UNC13C: variants seen among roughly 807,000 people sequenced by gnomAD.
UNC13C encodes the protein protein unc-13 homolog C.
Under a neutral mutation model 245.4 loss-of-function variants are expected in UNC13C, and 174 were observed. That is an observed-to-expected ratio of 0.71 (90% CI 0.63 to 0.80). The LOEUF (loss-of-function observed/expected upper bound fraction) is 0.80, where lower values mean the gene tolerates loss of function less well. UNC13C is among the 30% of genes least tolerant of loss of function. UNC13C has a pLI of 0.00. For synonymous variants in UNC13C, 992 were observed against 895.1 expected, an observed-to-expected ratio of 1.11 and a Z score of -1.93; for missense variants, 2,829 against 2,602.9, an observed-to-expected ratio of 1.09 and a Z score of -1.89.
intron 19 of UNC13C, among the ~76,000 whole-genome samples, chr15:54,447,371 G>T (rs535366145): frequency 6.6e-6 from 1 of 152,148 alleles, no homozygotes; most frequent in African/African-American, 2.4e-5. Context: ...TTGTACCTCT[G>T]GTAGAATTTG....
At chr15:53,918,892 G>T in the UNC13C span, among the ~76,000 whole-genome samples, 3 of 152,186 alleles carry the variant, frequency 2.0e-5, no homozygotes, top group African/African-American at 7.2e-5. Flanking sequence ...AAAATGATGA[G>T]ACGAGCAATT....
Position 54,393,046 on chromosome 15 carries a change from A to G in UNC13C, c.4714-2A>G. ...TTGCATGTTGCGTGAACTTGTGAGC[A>G]GAGTAAGAAACAGGATATTCCTCGT... On this transcript the variant is annotated splice_acceptor_variant, in intron 17 of 32. Transcript: ENST00000260323. LOFTEE classifies it high-confidence loss of function. 1.3e-6 allele frequency: 2 copies of G among 1,591,384 alleles called. No individual in the cohort carries two copies. Among genetic ancestry groups the G allele is most frequent in the South Asian group, 2.3e-5 (2 of 87,032 alleles).
chr15:54,366,408 T>G (rs189156274), intron 17 of UNC13C, among the ~76,000 whole-genome samples: 3 of 152,304 alleles, frequency 2.0e-5, no homozygotes, highest in East Asian at 1.9e-4. Context: ...AGTCCAATTT[T>G]AAATCCCCAG....
intron 30 of UNC13C, among the ~76,000 whole-genome samples, chr15:54,595,249 C>A (rs1367582984): frequency 6.6e-6 from 1 of 151,988 alleles, no homozygotes; most frequent in Non-Finnish European, 1.5e-5. Context: ...GTTATGCTCT[C>A]GGGGCCTAAG....
At chr15:54,583,119 T>A (rs1455491359) in intron 30 of UNC13C, among the ~76,000 whole-genome samples, 1 of 152,108 alleles carries the variant, frequency 6.6e-6, no homozygotes, top group Non-Finnish European at 1.5e-5. Context: ...GAACCACAAT[T>A]TGAGAACCGT....
At chr15:53,893,241 G>A in the UNC13C span, among the ~76,000 whole-genome samples, 10 of 152,134 alleles carry the variant, frequency 6.6e-5, no homozygotes, top group Non-Finnish European at 1.2e-4. Context: ...GTCCCAGAGG[G>A]GCACCTGCTA....
At chr15:54,464,960 G>T (rs1251101328) in intron 19 of UNC13C, among the ~76,000 whole-genome samples, 2 of 151,224 alleles carry the variant, frequency 1.3e-5, no homozygotes. Context: ...AATGATTATA[G>T]AAGTTGATTT....
chr15:54,014,832 C>T lies in UNC13C; in HGVS notation c.1929C>T (p.Tyr643=), dbSNP rs948246508. The part of the protein sequence containing the change: ...MVCASGDRSH[Y]SDSQLSLHED... ...GTGCATCTGGAGACCGGAGTCATTA[C>T]AGTGATTCTCAGCTCTCTTTACATG... The change falls in exon 2 of 33, where the codon TAC becomes TAT. Residue 643 remains tyrosine, a synonymous_variant. Coordinates refer to ENST00000260323, the MANE Select transcript of UNC13C (RefSeq NM_001080534.3). 2 of 1,613,886 alleles carry T rather than the reference C, an allele frequency of 1.2e-6. No homozygotes were observed. Among genetic ancestry groups the T allele is most frequent in the East Asian group, 2.2e-5 (1 of 44,876 alleles).
intron 30 of UNC13C, among the ~76,000 whole-genome samples, chr15:54,578,069 C>T (rs925065971): frequency 6.6e-6 from 1 of 152,186 alleles, no homozygotes; most frequent in African/African-American, 2.4e-5. Context: ...ATCCCACTTT[C>T]TCAGAATACA....
chr15:54,265,622 G>A (rs930762371), intron 10 of UNC13C, 126 bp downstream of exon 10: 34 of 684,764 alleles, frequency 5.0e-5, no homozygotes, highest in Non-Finnish European at 7.2e-5. Context: ...TAATAAAAAA[G>A]TAAAAGTAAT....
intron 30 of UNC13C, among the ~76,000 whole-genome samples, chr15:54,591,460 C>G (rs1343818912): frequency 6.6e-6 from 1 of 152,106 alleles, no homozygotes; most frequent in African/African-American, 2.4e-5. Context: ...TCATTTCAAT[C>G]TCACTACTTG....
chr15:54,217,645 C>A (rs1038181801), intron 4 of UNC13C, among the ~76,000 whole-genome samples: 1 of 151,918 alleles, frequency 6.6e-6, no homozygotes, highest in Non-Finnish European at 1.5e-5. Flanking sequence ...ACCAGTAATA[C>A]ATAATCTACT....
chr15:54,249,043 A>G (rs1207682795), intron 7 of UNC13C, among the ~76,000 whole-genome samples: 1 of 152,208 alleles, frequency 6.6e-6, no homozygotes, highest in Non-Finnish European at 1.5e-5. Context: ...GACTCTTCCT[A>G]CAGGGTTTAT....
At chr15:54,366,429 A>G (rs1596289657) in intron 17 of UNC13C, among the ~76,000 whole-genome samples, 1 of 152,318 alleles carries the variant, frequency 6.6e-6, no homozygotes, top group East Asian at 1.9e-4. Flanking sequence ...GAAAAAAAGC[A>G]TTTCTACCTG....
chr15:54,446,500 G>A (rs1187482796), intron 19 of UNC13C, among the ~76,000 whole-genome samples: 1 of 152,142 alleles, frequency 6.6e-6, no homozygotes, highest in African/African-American at 2.4e-5. Flanking sequence ...TCCTTGAAGA[G>A]GTCCTTCACA....
At chr15:54,318,024 G>A (rs1244431225) in intron 13 of UNC13C, among the ~76,000 whole-genome samples, 4 of 151,892 alleles carry the variant, frequency 2.6e-5, no homozygotes, top group South Asian at 2.1e-4. Context: ...TTCACATAAT[G>A]TCCTCCAGGT....
chr15:54,054,107 A>G lies in UNC13C; in HGVS notation c.2983+38221A>G, dbSNP rs113893335. 1.1e-3 allele frequency among the ~76,000 whole-genome samples: 175 copies of G among 152,284 alleles called. 1 individual carries two copies. The highest frequency in any genetic ancestry group is 4.0e-3 in the African/African-American group (168 of 41,560). The stretch of plus-strand genomic sequence containing the variant: ...AACATGGGAGTGCAGATATCTCTTA[A>G]GTATACTGGTTTCCTTTCTTTGGGC... On this transcript the variant is annotated intron_variant, in intron 2 of 32. Coordinates refer to ENST00000260323, the MANE Select transcript of UNC13C (RefSeq NM_001080534.3).
intron 19 of UNC13C, among the ~76,000 whole-genome samples, chr15:54,416,144 C>T (rs1217026877): frequency 6.6e-6 from 1 of 152,152 alleles, no homozygotes; most frequent in Admixed American, 6.5e-5. Context: ...GAGTTTGACT[C>T]TGTGCTGAGA....
At chr15:54,581,266 C>T (rs1005392760) in intron 30 of UNC13C, among the ~76,000 whole-genome samples, 1 of 152,148 alleles carries the variant, frequency 6.6e-6, no homozygotes, top group Non-Finnish European at 1.5e-5. Context: ...ACACAGAGAT[C>T]AAAGCGACAA....
Sources: gnomAD v4.1 joint callset for allele counts (sites outside exome capture counted in the v4.1 genomes callset) on GRCh38, gnomAD v4.1.1 for gene constraint, MANE v1.5 for transcripts, NCBI Gene and HGNC (gene_info 2026-07-23, HGNC 2026-07-21) for gene names.